The following ANKFN1 variants were observed in gnomAD, a reference collection of about 807,000 sequenced individuals.
ANKFN1 encodes the protein ankyrin repeat and fibronectin type III domain containing 1.
In ANKFN1, 74 loss-of-function variants were observed where a neutral mutation model predicts 108.7. The ratio of observed to expected loss-of-function variants is 0.68; its 90% CI spans 0.56 to 0.83. The LOEUF is 0.83. Ranked by LOEUF, ANKFN1 falls within the 40% of genes least tolerant of loss-of-function variation. ANKFN1 has a pLI of 0.00. For synonymous variants in ANKFN1, 547 were observed against 516.2 expected (o/e 1.06, Z -0.81); for missense variants, 1,505 against 1,382.3 (o/e 1.09, Z -1.41).
chr17:56,143,884 A>C (rs1396133296), intron 4 of ANKFN1, among the ~76,000 whole-genome samples: 1 of 152,204 alleles, frequency 6.6e-6, no homozygotes, highest in Non-Finnish European at 1.5e-5. Flanking sequence ...TCTTCTGCAA[A>C]GTCTCCAGAA....
At chr17:56,302,734 G>C (rs907203581) in intron 3 of ANKFN1, among the ~76,000 whole-genome samples, 1 of 151,990 alleles carries the variant, frequency 6.6e-6, no homozygotes, top group African/African-American at 2.4e-5. Context: ...TATTTTCTAC[G>C]CATAGGCTAC....
chr17:56,226,238 C>T (rs559863668), intron 2 of ANKFN1, among the ~76,000 whole-genome samples: 1 of 152,156 alleles, frequency 6.6e-6, no homozygotes, highest in East Asian at 1.9e-4. Context: ...ATAATAATAA[C>T]TTCTTCCAGT....
At chr17:56,291,391 A>G (rs77564053) in intron 3 of ANKFN1, among the ~76,000 whole-genome samples, 15,221 of 152,224 alleles carry the variant, frequency 0.1, 1,690 homozygotes, top group African/African-American at 0.28. Flanking sequence ...AGTAATGTCC[A>G]AGTAGGGCAA....
At chr17:56,435,824 A>G (rs749244735) in intron 8 of ANKFN1, among the ~76,000 whole-genome samples, 17 of 152,084 alleles carry the variant, frequency 1.1e-4, no homozygotes, top group Non-Finnish European at 2.4e-4. Flanking sequence ...TTACATTAGC[A>G]TAGTTTCACC....
At chr17:56,490,326 G>A (rs998243921) in intron 18 of ANKFN1, among the ~76,000 whole-genome samples, 5 of 152,164 alleles carry the variant, frequency 3.3e-5, no homozygotes, top group Non-Finnish European at 5.9e-5. Flanking sequence ...AACATTTACC[G>A]TGAATCTTCA....
rs565150060 is a variant in ANKFN1 at position 56,089,467 on chromosome 17, T to C, written c.288+43142T>C. Among the ~76,000 whole-genome samples, 56 of 151,628 alleles carry C rather than the reference T, an allele frequency of 3.7e-4. 1 individual carries two copies. Among genetic ancestry groups the C allele is most frequent in the African/African-American group, 1.3e-3 (55 of 41,364 alleles). On this transcript the variant is annotated intron_variant, in intron 4 of 12. Coordinates refer to the ANKFN1 transcript ENST00000635860. Reference sequence around the variant, plus strand: ...GAGCATATACATAATTTTATTCTGATACACAGTTCTAAAGTGCTACTTTAA... The same window carrying C: ...GAGCATATACATAATTTTATTCTGACACACAGTTCTAAAGTGCTACTTTAA...
chr17:56,340,879 A>G (rs906714237), intron 4 of ANKFN1, among the ~76,000 whole-genome samples: 8 of 152,108 alleles, frequency 5.3e-5, no homozygotes, highest in Non-Finnish European at 1.5e-5. Flanking sequence ...CATTAAATCT[A>G]TAAATTGCTT....
intron 8 of ANKFN1, among the ~76,000 whole-genome samples, chr17:56,421,924 CTTTTGCAACA>C (rs1171440587): frequency 1.3e-5 from 2 of 152,092 alleles, no homozygotes; most frequent in Non-Finnish European, 2.9e-5. Flanking sequence ...GGGATATAAC[CTTTTGCAACA>C]TTTACATTTT....
At chr17:56,061,265 C>CTTTTTTTTTTTTTTTT (rs71137190) in intron 4 of ANKFN1, among the ~76,000 whole-genome samples, 2 of 72,914 alleles carry the variant, frequency 2.7e-5, no homozygotes, top group Non-Finnish European at 4.7e-5. Flanking sequence ...GGTAGTTTTT[C>CTTTTTTTTTTTTTTTT]TTTTTTTTTT....
At chr17:56,232,193 G>A (rs180725718) in intron 3 of ANKFN1, among the ~76,000 whole-genome samples, 3 of 152,130 alleles carry the variant, frequency 2.0e-5, no homozygotes, top group Admixed American at 6.6e-5. Flanking sequence ...TTCTTCACAC[G>A]ACTTGGTTTA....
At chr17:56,359,307 C>T (rs1180233993) in intron 6 of ANKFN1, among the ~76,000 whole-genome samples, 1 of 152,110 alleles carries the variant, frequency 6.6e-6, no homozygotes, top group Non-Finnish European at 1.5e-5. Flanking sequence ...AACTTTGGGG[C>T]ACCTTTTGTT....
intron 4 of ANKFN1, among the ~76,000 whole-genome samples, chr17:56,047,890 T>A (rs1904706620): frequency 6.6e-6 from 1 of 152,208 alleles, no homozygotes; most frequent in Non-Finnish European, 1.5e-5. Context: ...TAGGGCAATA[T>A]GAATAATCTG....
At chr17:56,052,091 A>G (rs1019109768) in intron 4 of ANKFN1, among the ~76,000 whole-genome samples, 1 of 151,614 alleles carries the variant, frequency 6.6e-6, no homozygotes, top group Non-Finnish European at 1.5e-5. Flanking sequence ...TATGGAACCA[A>G]AAAAGAGCCC....
intron 4 of ANKFN1, among the ~76,000 whole-genome samples, chr17:56,339,709 A>G (rs2045911904): frequency 6.6e-6 from 1 of 152,156 alleles, no homozygotes; most frequent in Admixed American, 6.6e-5. Context: ...TCTATCATTG[A>G]TGGACATTTA....
intron 4 of ANKFN1, among the ~76,000 whole-genome samples, chr17:56,048,334 A>G (rs1017687638): frequency 5.9e-5 from 9 of 152,100 alleles, no homozygotes; most frequent in Non-Finnish European, 1.2e-4. Context: ...CTTAACATTG[A>G]TATTACTAAG....
chr17:56,436,248 G>A (rs769100511), intron 8 of ANKFN1, among the ~76,000 whole-genome samples: 1 of 152,186 alleles, frequency 6.6e-6, no homozygotes, highest in Non-Finnish European at 1.5e-5. Flanking sequence ...AGGAATCACA[G>A]TGTGAGCCAG....
At position 56,212,780 on chromosome 17, in the gene ANKFN1, C is replaced by A. The variant is rs552011686; in HGVS notation, c.12+101C>A. Among the ~76,000 whole-genome samples, 6 of 152,316 alleles carry A rather than the reference C, an allele frequency of 3.9e-5. No homozygotes were observed. In the East Asian group the frequency reaches 1.2e-3, roughly 29 times the overall value. ...GAGCTAGTAGTTCCAGTGCCTAGCA[C>A]TACACCCAAAGGCGCAAACCACTCG... On this transcript the variant is annotated intron_variant, in intron 2 of 20. Coordinates refer to ENST00000682825, the MANE Select transcript of ANKFN1 (RefSeq NM_001370326.1).
At chr17:56,442,619 A>G (rs183868776) in intron 9 of ANKFN1, among the ~76,000 whole-genome samples, 1 of 152,308 alleles carries the variant, frequency 6.6e-6, no homozygotes, top group Non-Finnish European at 1.5e-5. Context: ...CTAAGAGGGA[A>G]CTTCAAATAT....
At chr17:56,473,640 T>A in intron 15 of ANKFN1, 1 of 110,784 alleles carries the variant, frequency 9.0e-6, no homozygotes, top group African/African-American at 3.7e-5. Context: ...AAAGTGAGAC[T>A]CCGTCTCAAA....
Sources: allele counts gnomAD v4.1 joint callset (sites outside exome capture counted in the v4.1 genomes callset), GRCh38; gene constraint gnomAD v4.1.1; transcripts MANE v1.5; gene names NCBI Gene and HGNC (gene_info 2026-07-23, HGNC 2026-07-21).